Variants in RORA observed in about 807,000 individuals in gnomAD.
RORA encodes the protein RAR related orphan receptor A.
RORA carries 7 observed loss-of-function variants against 69.5 expected under a neutral mutation model. The observed-to-expected ratio is 0.10, with a 90% CI of 0.06 to 0.19. The LOEUF (loss-of-function observed/expected upper bound fraction) is 0.19. Ranked by LOEUF, RORA falls within the 10% of genes least tolerant of loss-of-function variation. The probability of loss-of-function intolerance (pLI) is 1.00; values close to 1 mark genes in which losing one functional copy is unlikely to be tolerated. For missense variants in RORA, 457 were observed against 663.0 expected, an observed-to-expected ratio of 0.69 and a Z score of 3.41; for synonymous variants, 261 against 240.8, an observed-to-expected ratio of 1.08 and a Z score of -0.78.
intron 1 of RORA, among the ~76,000 whole-genome samples, chr15:60,743,960 G>C (rs1252557200): frequency 2.0e-5 from 3 of 152,082 alleles, no homozygotes; most frequent in Non-Finnish European, 4.4e-5. Context: ...CATTTGGTTG[G>C]TTTCCATTGG....
chr15:60,734,525 G>C (rs182497920), intron 1 of RORA, among the ~76,000 whole-genome samples: 29 of 152,330 alleles, frequency 1.9e-4, no homozygotes, highest in Admixed American at 9.2e-4. Flanking sequence ...GCAAAGACAA[G>C]ACACGTTTTT....
chr15:61,122,237 C>A (rs2079110605), intron 1 of RORA, among the ~76,000 whole-genome samples: 2 of 152,154 alleles, frequency 1.3e-5, no homozygotes, highest in African/African-American at 4.8e-5. Flanking sequence ...TCTTCACTCC[C>A]CGTTCTATTT....
In RORA at chr15:60,531,862, A is replaced by G. The variant is rs927119524; in HGVS notation, c.197-11T>C. 2.6e-6 allele frequency: 4 copies of G among 1,547,058 alleles called. No homozygotes were observed. In the Middle Eastern group the frequency reaches 6.8e-4, roughly 262 times the overall value. On this transcript the variant is annotated splice_polypyrimidine_tract_variant and intron_variant, in intron 2 of 10. Transcript: ENST00000335670. The surrounding 1 kb of genome is among the most constrained non-coding windows in gnomAD (Gnocchi z 4.8). Reference sequence around the variant, plus strand: ...TAATTTCAATTTGAGCTGCAACAGAAGCACGCAACCAGTTAATTACATTTT... The same window carrying G: ...TAATTTCAATTTGAGCTGCAACAGAGGCACGCAACCAGTTAATTACATTTT...
chr15:60,523,583 C>T (rs1280680016), intron 3 of RORA, among the ~76,000 whole-genome samples: 1 of 152,176 alleles, frequency 6.6e-6, no homozygotes, highest in Non-Finnish European at 1.5e-5. Flanking sequence ...ACCAGCTCTC[C>T]ATCACGTTGT....
At chr15:60,591,939 G>T (rs1427640868) in intron 2 of RORA, among the ~76,000 whole-genome samples, 1 of 152,114 alleles carries the variant, frequency 6.6e-6, no homozygotes, top group East Asian at 1.9e-4. Flanking sequence ...GCGCACGCAC[G>T]GCCCTGCCCG....
intron 1 of RORA, among the ~76,000 whole-genome samples, chr15:60,990,819 G>T (rs1470572598): frequency 2.0e-5 from 3 of 152,214 alleles, no homozygotes; most frequent in Admixed American, 6.5e-5. Flanking sequence ...AGGGTGCCAA[G>T]CATGAAACAT....
intron 1 of RORA, chr15:60,849,182 T>C (rs2073298691): frequency 6.6e-6 from 1 of 152,236 alleles, no homozygotes; most frequent in Non-Finnish European, 1.5e-5. Context: ...CTGTCTCTCC[T>C]GACTAGAATG....
chr15:60,792,816 C>A (rs2072436530), intron 1 of RORA, among the ~76,000 whole-genome samples: 1 of 152,122 alleles, frequency 6.6e-6, no homozygotes, highest in Admixed American at 6.5e-5. Context: ...AATGGTAACT[C>A]AGATCTACAG....
At chr15:60,652,958 A>T (rs1454091835) in intron 2 of RORA, among the ~76,000 whole-genome samples, 1 of 152,320 alleles carries the variant, frequency 6.6e-6, no homozygotes. Context: ...GCACCTGCCA[A>T]TAAAAGTGAT....
intron 1 of RORA, among the ~76,000 whole-genome samples, chr15:60,946,066 C>T (rs1892861494): frequency 6.6e-6 from 1 of 152,084 alleles, no homozygotes; most frequent in African/African-American, 2.4e-5. Flanking sequence ...AAGATGCATT[C>T]CAAGGGGAGA....
intron 3 of RORA, among the ~76,000 whole-genome samples, chr15:60,516,173 T>TTATATATATATTTA (rs2065928089): frequency 8.6e-5 from 3 of 34,720 alleles, no homozygotes; most frequent in Admixed American, 5.4e-4. Context: ...ATATATATAT[T>TTATATATATATTTA]TATATATATA....
At chr15:60,821,267 G>A (rs142953127) in intron 1 of RORA, among the ~76,000 whole-genome samples, 5 of 152,148 alleles carry the variant, frequency 3.3e-5, no homozygotes, top group South Asian at 2.1e-4. Context: ...GCCTCTTTCC[G>A]TCTCCCTGCT....
At chr15:60,908,111 A>G (rs1019249562) in intron 1 of RORA, among the ~76,000 whole-genome samples, 12 of 152,154 alleles carry the variant, frequency 7.9e-5, no homozygotes, top group Admixed American at 6.5e-5. Flanking sequence ...TAGCTCACCC[A>G]GGGCATGAGT....
intron 1 of RORA, chr15:61,038,712 G>C (rs1410916584): frequency 6.6e-6 from 1 of 152,234 alleles, no homozygotes; most frequent in Non-Finnish European, 1.5e-5. Flanking sequence ...TGTGGTAGCG[G>C]AAGATTCTAG....
chr15:60,938,731 T>C (rs1170184052), intron 1 of RORA, among the ~76,000 whole-genome samples: 4 of 74,708 alleles, frequency 5.4e-5, no homozygotes, highest in Non-Finnish European at 9.8e-5. Context: ...TGAGACCTCA[T>C]CTAAAAAAAA....
intron 1 of RORA, among the ~76,000 whole-genome samples, chr15:60,859,881 G>A (rs2140423947): frequency 6.6e-6 from 1 of 152,174 alleles, no homozygotes; most frequent in East Asian, 1.9e-4. Flanking sequence ...GCTGAGGAAG[G>A]TGAATGCTGC....
intron 2 of RORA, among the ~76,000 whole-genome samples, chr15:60,674,461 T>G (rs565110865): frequency 6.6e-6 from 1 of 152,160 alleles, no homozygotes; most frequent in African/African-American, 2.4e-5. Context: ...CAAAGCCAAG[T>G]CTCTGGGGTG....
chr15:61,207,300 G>C (rs1452675102), intron 1 of RORA, among the ~76,000 whole-genome samples: 1 of 152,206 alleles, frequency 6.6e-6, no homozygotes, highest in Non-Finnish European at 1.5e-5. Flanking sequence ...GGACGTGCTA[G>C]CCAAGGATGG....
At chr15:60,782,084 G>A (rs955308953) in intron 1 of RORA, among the ~76,000 whole-genome samples, 3 of 152,158 alleles carry the variant, frequency 2.0e-5, no homozygotes, top group Non-Finnish European at 2.9e-5. Context: ...AATTAGTCAG[G>A]CGTGGTGGCA....
Sources: allele counts gnomAD v4.1 joint callset (sites outside exome capture counted in the v4.1 genomes callset), GRCh38; gene constraint gnomAD v4.1.1; non-coding constraint Gnocchi (gnomAD v3.1); transcripts MANE v1.5; gene names NCBI Gene and HGNC (gene_info 2026-07-23, HGNC 2026-07-21).